Variants in ACTR3C observed in about 807,000 individuals in gnomAD.
The protein encoded by ACTR3C is actin related protein 3C, also known as actin-related protein 3C.
Under a neutral mutation model 26.3 loss-of-function variants are expected in ACTR3C, and 18 were observed. That is an observed-to-expected ratio of 0.68 (90% CI 0.47 to 1.01). The LOEUF (loss-of-function observed/expected upper bound fraction) is 1.01. Ranked by LOEUF, ACTR3C falls within the 50% of genes least tolerant of loss-of-function variation. ACTR3C has a pLI of 0.00. For synonymous variants in ACTR3C, 55 were observed against 94.5 expected (o/e 0.58, Z 2.42); for missense variants, 184 against 250.7 (o/e 0.73, Z 1.80).
the ACTR3C span, among the ~76,000 whole-genome samples, chr7:150,207,479 G>A: frequency 3.3e-5 from 5 of 152,132 alleles, no homozygotes; most frequent in Admixed American, 6.5e-5. Context: ...AAGGAAGCAC[G>A]GATCGATGCT....
chr7:150,021,028 C>T, the ACTR3C span, among the ~76,000 whole-genome samples: 3 of 151,968 alleles, frequency 2.0e-5, no homozygotes, highest in Admixed American at 1.3e-4. Flanking sequence ...ACCGTTTTGG[C>T]GAGGCTGGTC....
At chr7:150,160,603 T>G in the ACTR3C span, among the ~76,000 whole-genome samples, 3 of 152,080 alleles carry the variant, frequency 2.0e-5, no homozygotes, top group Admixed American at 6.5e-5. Context: ...AGACATGTAA[T>G]TAATAAAGAC....
chr7:150,143,107 T>C, the ACTR3C span, among the ~76,000 whole-genome samples: 1 of 152,134 alleles, frequency 6.6e-6, no homozygotes, highest in Non-Finnish European at 1.5e-5. Flanking sequence ...GCTGGGATTA[T>C]GGGCATGAGC....
chr7:150,153,321 C>T, the ACTR3C span, among the ~76,000 whole-genome samples: 3 of 151,278 alleles, frequency 2.0e-5, no homozygotes, highest in African/African-American at 2.4e-5. Flanking sequence ...GCAACCTACT[C>T]ATCTGACAAA....
downstream of ACTR3C, among the ~76,000 whole-genome samples, chr7:150,242,898 C>A (rs151307316): frequency 9.1e-3 from 1,390 of 152,202 alleles, 6 homozygotes; most frequent in Admixed American, 0.017. Flanking sequence ...GTTTTTTCAG[C>A]AAGAATTTAT....
At chr7:150,058,284 T>A in the ACTR3C span, among the ~76,000 whole-genome samples, 1 of 152,288 alleles carries the variant, frequency 6.6e-6, no homozygotes, top group Admixed American at 6.5e-5. Context: ...ACTATATAAA[T>A]TTTCCTGTGA....
At chr7:149,898,249 A>G in the ACTR3C span, among the ~76,000 whole-genome samples, 2 of 152,190 alleles carry the variant, frequency 1.3e-5, no homozygotes, top group South Asian at 2.1e-4. Context: ...ACACCATTCA[A>G]TGGCACACTG....
intron 6 of ACTR3C, among the ~76,000 whole-genome samples, chr7:150,250,042 C>T (rs1161353026): frequency 6.6e-6 from 1 of 151,936 alleles, no homozygotes; most frequent in East Asian, 1.9e-4. Context: ...TGCAGGGCTG[C>T]CCTGGAGCGG....
At chr7:150,112,748 T>C in the ACTR3C span, among the ~76,000 whole-genome samples, 9 of 152,152 alleles carry the variant, frequency 5.9e-5, no homozygotes, top group African/African-American at 2.2e-4. Context: ...AAAGGGTAAT[T>C]AGAGAGCAGT....
At chr7:149,927,747 G>A in the ACTR3C span, among the ~76,000 whole-genome samples, 1 of 151,510 alleles carries the variant, frequency 6.6e-6, no homozygotes. Context: ...AAAAAAAAAG[G>A]GCCAGGGTAA....
chr7:149,956,549 C>T, the ACTR3C span, among the ~76,000 whole-genome samples: 1 of 152,212 alleles, frequency 6.6e-6, no homozygotes. Flanking sequence ...GGTAATCCAT[C>T]AGAGTAAACT....
the ACTR3C span, among the ~76,000 whole-genome samples, chr7:149,981,975 A>C: frequency 1.3e-5 from 2 of 152,206 alleles, no homozygotes; most frequent in African/African-American, 4.8e-5. Context: ...ATGTTTTAGA[A>C]TGAGACCCAT....
At chr7:150,224,985 CT>C in the ACTR3C span, among the ~76,000 whole-genome samples, 1 of 150,142 alleles carries the variant, frequency 6.7e-6, no homozygotes, top group Non-Finnish European at 1.5e-5. Flanking sequence ...CTCTGTGCAC[CT>C]TTGGCCACAC....
chr7:149,972,650 A>C, the ACTR3C span, among the ~76,000 whole-genome samples: 1 of 152,144 alleles, frequency 6.6e-6, no homozygotes, highest in African/African-American at 2.4e-5. Flanking sequence ...TTCTTCCTTA[A>C]CTACCAGCTC....
chr7:150,121,975 G>C, the ACTR3C span, among the ~76,000 whole-genome samples: 2 of 152,136 alleles, frequency 1.3e-5, no homozygotes, highest in Admixed American at 1.3e-4. Flanking sequence ...ACAAGCAATG[G>C]GGAAACGATT....
the ACTR3C span, among the ~76,000 whole-genome samples, chr7:150,003,718 C>G: frequency 2.0e-5 from 3 of 150,120 alleles, no homozygotes; most frequent in African/African-American, 4.9e-5. Context: ...TGTGTGGTGT[C>G]TGGTGTGGTG....
chr7:150,190,804 A>G, the ACTR3C span, among the ~76,000 whole-genome samples: 4 of 152,236 alleles, frequency 2.6e-5, no homozygotes, highest in African/African-American at 7.2e-5. Flanking sequence ...AGTTCAGCAC[A>G]GCTGGGGAGG....
At chr7:149,888,824 G>A in the ACTR3C span, among the ~76,000 whole-genome samples, 68 of 152,124 alleles carry the variant, frequency 4.5e-4, no homozygotes, top group African/African-American at 1.5e-3. Context: ...TCTGGCCAAC[G>A]TGGTGAAACC....
At chr7:150,101,439 A>C in the ACTR3C span, among the ~76,000 whole-genome samples, 1 of 151,764 alleles carries the variant, frequency 6.6e-6, no homozygotes, top group African/African-American at 2.4e-5. Context: ...TTGTAGCCCC[A>C]GGGAAATAAC....
Sources: allele counts gnomAD v4.1 joint callset (sites outside exome capture counted in the v4.1 genomes callset), GRCh38; gene constraint gnomAD v4.1.1; transcripts MANE v1.5; gene names NCBI Gene and HGNC (gene_info 2026-07-23, HGNC 2026-07-21).